Variants in ADGRV1 observed in about 807,000 individuals in gnomAD.
The protein encoded by ADGRV1 is G-protein coupled receptor 98.
A neutral mutation model predicts 596.2 loss-of-function variants in ADGRV1; 359 were observed. That is an observed-to-expected ratio of 0.60 (90% CI 0.55 to 0.66). The LOEUF (loss-of-function observed/expected upper bound fraction) is 0.66. ADGRV1 is among the 30% of genes least tolerant of loss of function. The pLI, the probability that ADGRV1 is intolerant of heterozygous loss-of-function variation, is 0.00. For synonymous variants in ADGRV1, 2,681 were observed against 2,679.2 expected, an observed-to-expected ratio of 1.00 and a Z score of -0.02; for missense variants, 7,274 against 7,575.6, an observed-to-expected ratio of 0.96 and a Z score of 1.48.
intron 85 of ADGRV1, among the ~76,000 whole-genome samples, chr5:91,070,136 C>G (rs1435032048): frequency 6.6e-6 from 1 of 152,064 alleles, no homozygotes; most frequent in Non-Finnish European, 1.5e-5. Context: ...GCAAGGATAA[C>G]AAAACTAACT....
chr5:90,690,008 C>T lies in ADGRV1; in HGVS notation c.6638C>T (p.Ala2213Val), dbSNP rs867492240. 2 of 1,603,652 alleles carry T rather than the reference C, an allele frequency of 1.2e-6. No individual in the cohort carries two copies. Among genetic ancestry groups the T allele is most frequent in the Non-Finnish European group, 8.5e-7 (1 of 1,174,478 alleles). Residue 2213 changes from alanine to valine, a missense_variant, in exon 30 of 90, where the codon GCC becomes GTC. Ala to Val is a moderately conservative substitution (Grantham distance 64, BLOSUM62 0). Coordinates refer to ENST00000405460, the MANE Select transcript of ADGRV1 (RefSeq NM_032119.4). Reference protein sequence around the residue: ...VQLMNETTGGARLGALTEAVI... With the variant: ...VQLMNETTGGVRLGALTEAVI... ...CTGATGAATGAAACAACAGGAGGAG[C>T]CAGACTAGGGGCTTTAACAGAGGCA...
intron 87 of ADGRV1, among the ~76,000 whole-genome samples, chr5:91,148,721 G>A (rs1417236397): frequency 6.6e-6 from 1 of 152,106 alleles, no homozygotes; most frequent in African/African-American, 2.4e-5. Flanking sequence ...ACCCCAGAAT[G>A]GTTTATCCAC....
At position 90,908,967 on chromosome 5, in the gene ADGRV1, A is replaced by C. The variant is rs563616547; in HGVS notation, c.17856+45110A>C. On this transcript the variant is annotated intron_variant, in intron 83 of 89. Transcript: ENST00000405460. The stretch of plus-strand genomic sequence containing the variant: ...GAAGTAGGATTTTAGAGTGATTTTA[A>C]GGATGAGTAGGAGAGGAGTATATTG... Among the ~76,000 whole-genome samples, 179 of 152,312 alleles carry C rather than the reference A, an allele frequency of 1.2e-3. 1 individual carries two copies. The highest frequency in any genetic ancestry group is 3.1e-3 in the African/African-American group (129 of 41,566).
chr5:90,863,230 G>T (rs1767774278), intron 82 of ADGRV1, among the ~76,000 whole-genome samples: 1 of 152,172 alleles, frequency 6.6e-6, no homozygotes, highest in African/African-American at 2.4e-5. Flanking sequence ...AGATTTGTTG[G>T]ATTAGTGCTA....
intron 88 of ADGRV1, among the ~76,000 whole-genome samples, chr5:91,152,368 A>G (rs910902902): frequency 2.6e-5 from 4 of 152,232 alleles, no homozygotes; most frequent in Admixed American, 2.6e-4. Flanking sequence ...GTATATCCTT[A>G]TAGATACCTA....
chr5:91,161,696 G>A (rs1219642865), intron 89 of ADGRV1, among the ~76,000 whole-genome samples: 2 of 152,118 alleles, frequency 1.3e-5, no homozygotes, highest in Non-Finnish European at 2.9e-5. Context: ...TGTATACATT[G>A]TAGATAGGAG....
intron 83 of ADGRV1, among the ~76,000 whole-genome samples, chr5:90,938,715 C>T (rs528916402): frequency 1.3e-5 from 2 of 152,306 alleles, no homozygotes; most frequent in South Asian, 4.2e-4. Flanking sequence ...ACCTACATTC[C>T]AGCTTATTGT....
In ADGRV1 at chr5:91,096,452, C is replaced by G. The variant is rs58675622; in HGVS notation, c.18311-5767C>G. Among the ~76,000 whole-genome samples the G allele has an allele frequency of 5.3e-3, 800 of 152,296 alleles. 11 individuals are homozygous for G. The highest frequency in any genetic ancestry group is 0.018 in the African/African-American group (742 of 41,566). On this transcript the variant is annotated intron_variant, in intron 86 of 89. Transcript: ENST00000405460. ...GTAGACTTTCTTAATGATAGTAGCACTAATTGACGTATCTACTTGCTGGTT... is the reference window on the plus strand; with the variant it reads ...GTAGACTTTCTTAATGATAGTAGCAGTAATTGACGTATCTACTTGCTGGTT...
At chr5:91,118,617 A>G (rs1793052074) in intron 87 of ADGRV1, among the ~76,000 whole-genome samples, 1 of 152,174 alleles carries the variant, frequency 6.6e-6, no homozygotes, top group Non-Finnish European at 1.5e-5. Flanking sequence ...ATAAATGCAT[A>G]AAACACAAAC....
chr5:90,772,541 G>A (rs959328816), intron 59 of ADGRV1, among the ~76,000 whole-genome samples: 3 of 152,192 alleles, frequency 2.0e-5, no homozygotes, highest in Admixed American at 6.5e-5. Context: ...TTATTCAGGT[G>A]TGAGTCATAG....
chr5:90,645,394 TA>T (rs1264845610), intron 15 of ADGRV1, among the ~76,000 whole-genome samples: 1 of 152,088 alleles, frequency 6.6e-6, no homozygotes, highest in Non-Finnish European at 1.5e-5. Context: ...CTTTCTGTTT[TA>T]GGGGGAGGGG....
At chr5:90,648,615 G>T (rs1768141329) in intron 17 of ADGRV1, among the ~76,000 whole-genome samples, 1 of 152,150 alleles carries the variant, frequency 6.6e-6, no homozygotes, top group Non-Finnish European at 1.5e-5. Flanking sequence ...AAGAGAAAGA[G>T]ATCTCTTAAT....
At chr5:90,582,997 A>G (rs1218319626) in intron 1 of ADGRV1, among the ~76,000 whole-genome samples, 1 of 152,208 alleles carries the variant, frequency 6.6e-6, no homozygotes, top group African/African-American at 2.4e-5. Context: ...TAATAAATAT[A>G]TTTCTAAAAC....
chr5:90,979,977 G>A (rs1440861545), intron 84 of ADGRV1, among the ~76,000 whole-genome samples: 4 of 152,108 alleles, frequency 2.6e-5, no homozygotes, highest in Non-Finnish European at 5.9e-5. Flanking sequence ...TGAGTCCTTT[G>A]CAAATCTTCC....
chr5:90,802,019 A>G (rs1283046722), intron 70 of ADGRV1, among the ~76,000 whole-genome samples: 2 of 152,162 alleles, frequency 1.3e-5, no homozygotes, highest in African/African-American at 2.4e-5. Flanking sequence ...GGAGGAGGAA[A>G]TTATTCAATG....
intron 84 of ADGRV1, among the ~76,000 whole-genome samples, chr5:90,976,238 A>T (rs1779569728): frequency 6.8e-6 from 1 of 146,694 alleles, no homozygotes; most frequent in Non-Finnish European, 1.5e-5. Flanking sequence ...ATATATACAC[A>T]ATGTACATAT....
chr5:90,641,918 T>C (rs1767017803), intron 11 of ADGRV1, among the ~76,000 whole-genome samples: 1 of 152,174 alleles, frequency 6.6e-6, no homozygotes, highest in South Asian at 2.1e-4. Flanking sequence ...AAAAACATGT[T>C]GTTTTAATAT....
At chr5:90,976,320 G>GTA (rs1250040638) in intron 84 of ADGRV1, among the ~76,000 whole-genome samples, 224 of 110,372 alleles carry the variant, frequency 2.0e-3, no homozygotes, top group African/African-American at 4.8e-3. Context: ...GTGTGTGTGT[G>GTA]TGTATATATA....
rs534591928 is a variant in ADGRV1, at chr5:90,595,765, C to T, written c.23-19070C>T. Among the ~76,000 whole-genome samples, 171 of 138,380 alleles carry T rather than the reference C, an allele frequency of 1.2e-3. 6 individuals are homozygous for T. The East Asian group carries it at 0.037, about 30-fold the overall frequency. The allele number at this position is 138,380 out of a possible 152,430, so 90.8% of individuals were successfully genotyped here. On this transcript the variant is annotated intron_variant, in intron 1 of 89. Coordinates refer to ENST00000405460, the MANE Select transcript of ADGRV1 (RefSeq NM_032119.4). ...GCAGAGGCGCCCCTCACCTCCCGGA[C>T]GGGGTGGCTGGCCGGGCGGGAGGCT...
Sources: allele counts gnomAD v4.1 joint callset (sites outside exome capture counted in the v4.1 genomes callset), GRCh38; gene constraint gnomAD v4.1.1; transcripts MANE v1.5; gene names NCBI Gene and HGNC (gene_info 2026-07-23, HGNC 2026-07-21).